The following CCDC171 variants were observed in gnomAD, a reference collection of about 807,000 sequenced individuals.
CCDC171 encodes the protein coiled-coil domain-containing protein 171.
A neutral mutation model predicts 168.2 loss-of-function variants in CCDC171; 177 were observed. The observed-to-expected ratio is 1.05, with a 90% confidence interval of 0.93 to 1.19. The LOEUF (loss-of-function observed/expected upper bound fraction) is 1.19, where lower values mean the gene tolerates loss of function less well. Ranked by LOEUF, CCDC171 falls within the 50% of genes most tolerant of loss-of-function variation. The pLI, the probability that CCDC171 is intolerant of heterozygous loss-of-function variation, is 0.00. For missense variants in CCDC171, 1,991 were observed against 1,539.0 expected (o/e 1.29, Z -4.91); for synonymous variants, 687 against 540.8 (o/e 1.27, Z -3.75).
At chr9:15,632,980 T>A (rs2045864626) in intron 7 of CCDC171, among the ~76,000 whole-genome samples, 1 of 152,226 alleles carries the variant, frequency 6.6e-6, no homozygotes, top group Non-Finnish European at 1.5e-5. Flanking sequence ...TGTAGAAAGC[T>A]GAAACTGGGT....
rs766616365 is a variant in CCDC171 at position 15,777,627 on chromosome 9, T to C, written c.2699T>C (p.Leu900Ser). The change falls in exon 19 of 26, where the codon TTA becomes TCA. Residue 900 changes from leucine to serine, a missense_variant. Coordinates refer to ENST00000380701, the MANE Select transcript of CCDC171 (RefSeq NM_173550.4). ...CCAAATTCCAGAATTTGTGGACATT[T>C]ACTCATAGGTGCAGCCAAGAATTCT... ...ADPNSRICGH[L>S]LIGAAKNSFA... is the part of the protein sequence containing the mutation. The C allele has an allele frequency of 6.2e-7, 1 of 1,609,282 alleles. No individual in the cohort carries two copies. Among genetic ancestry groups the C allele is most frequent in the South Asian group, 1.1e-5 (1 of 89,356 alleles).
intron 10 of CCDC171, 112 bp downstream of exon 10, chr9:15,679,008 A>C: frequency 4.1e-6 from 3 of 740,368 alleles, no homozygotes; most frequent in Non-Finnish European, 6.3e-6. Context: ...AAGTTATTTT[A>C]GTGACATTGA....
chr9:15,575,969 A>G (rs200964602), intron 3 of CCDC171, among the ~76,000 whole-genome samples: 2 of 151,934 alleles, frequency 1.3e-5, no homozygotes, highest in Non-Finnish European at 2.9e-5. Context: ...GTGCGCACCT[A>G]TAATCCCAGC....
At chr9:15,860,016 G>T (rs934994207) in intron 23 of CCDC171, among the ~76,000 whole-genome samples, 1 of 150,990 alleles carries the variant, frequency 6.6e-6, no homozygotes, top group Non-Finnish European at 1.5e-5. Context: ...GTCTTGTTAG[G>T]TTGCATGTTT....
intron 18 of CCDC171, among the ~76,000 whole-genome samples, chr9:15,746,122 T>TA (rs2055257637): frequency 6.6e-6 from 1 of 152,224 alleles, no homozygotes; most frequent in Admixed American, 6.5e-5. Context: ...AACCACCTAT[T>TA]ATCAGCAATT....
intron 24 of CCDC171, among the ~76,000 whole-genome samples, chr9:15,899,099 C>T (rs1458233580): frequency 1.3e-5 from 2 of 152,156 alleles, no homozygotes; most frequent in Admixed American, 1.3e-4. Context: ...CTTTTTCACT[C>T]AGTGTAATGC....
chr9:15,970,944 A>C (rs1258712279), intron 25 of CCDC171, among the ~76,000 whole-genome samples: 1 of 152,164 alleles, frequency 6.6e-6, no homozygotes, highest in African/African-American at 2.4e-5. Context: ...ACCGTACCTC[A>C]GTGACTTAAA....
chr9:15,676,285 G>A (rs1347186588), intron 9 of CCDC171, among the ~76,000 whole-genome samples: 1 of 152,028 alleles, frequency 6.6e-6, no homozygotes, highest in Non-Finnish European at 1.5e-5. Context: ...TGACCTTTTT[G>A]CAAGGTTTTT....
At chr9:15,642,669 T>C (rs2046735975) in intron 7 of CCDC171, among the ~76,000 whole-genome samples, 1 of 152,078 alleles carries the variant, frequency 6.6e-6, no homozygotes, top group Admixed American at 6.6e-5. Context: ...GATTTGAAGA[T>C]TTTTTGCTGT....
the CCDC171 span, among the ~76,000 whole-genome samples, chr9:16,078,094 ACACACT>A: frequency 7.1e-6 from 1 of 140,502 alleles, no homozygotes; most frequent in Non-Finnish European, 1.5e-5. Context: ...ACACACACAC[ACACACT>A]CACAAAGGTG....
chr9:15,679,119 A>G (rs1380194254), intron 10 of CCDC171, among the ~76,000 whole-genome samples: 1 of 152,222 alleles, frequency 6.6e-6, no homozygotes. Context: ...TGAACTAGTA[A>G]AAACTGAATT....
At chr9:16,063,514 T>TG (rs773312632), downstream of CCDC171, among the ~76,000 whole-genome samples, 3 of 152,300 alleles carry the variant, frequency 2.0e-5, no homozygotes, top group East Asian at 5.8e-4. Flanking sequence ...AAAGTGAAGT[T>TG]GGGGGGTTTT....
chr9:15,646,639 CA>C lies in CCDC171; in HGVS notation c.823-10484del, dbSNP rs538247240. On this transcript the variant is annotated intron_variant, in intron 7 of 25. Transcript: ENST00000380701. ...AAGCTGACTTTAAACCAACAAAGAT[CA>C]AAAGAGACAAAGAAGGCTATTACAT... Among the ~76,000 whole-genome samples, 607 of 127,008 alleles carry C rather than the reference CA, an allele frequency of 4.8e-3. 2 individuals are homozygous for C. The highest frequency in any genetic ancestry group is 7.7e-3 in the Non-Finnish European group (424 of 55,302). 83.3% of individuals were successfully genotyped at this position (127,008 alleles called of 152,430 possible). A position where few individuals can be genotyped will look rare whatever the true frequency, so the allele number is the denominator to read the frequency against.
chr9:15,707,542 T>C (rs1243037728), intron 11 of CCDC171, among the ~76,000 whole-genome samples: 1 of 152,254 alleles, frequency 6.6e-6, no homozygotes, highest in Non-Finnish European at 1.5e-5. Flanking sequence ...CTTCTTGTTC[T>C]CTTCTCTTTG....
At chr9:15,882,744 C>G (rs756147170) in intron 24 of CCDC171, among the ~76,000 whole-genome samples, 1 of 151,768 alleles carries the variant, frequency 6.6e-6, no homozygotes, top group Non-Finnish European at 1.5e-5. Flanking sequence ...ATTAGCTTTG[C>G]GTATCAGCTA....
At chr9:15,941,179 C>T (rs1026350744) in intron 25 of CCDC171, among the ~76,000 whole-genome samples, 3 of 151,928 alleles carry the variant, frequency 2.0e-5, no homozygotes, top group African/African-American at 7.2e-5. Flanking sequence ...GCATATGTTT[C>T]AGTTTCTATT....
At chr9:15,580,618 C>T (rs755420160) in intron 4 of CCDC171, among the ~76,000 whole-genome samples, 26 of 152,038 alleles carry the variant, frequency 1.7e-4, no homozygotes, top group Non-Finnish European at 3.7e-4. Flanking sequence ...GGCCAAAAAA[C>T]ATATGAAAAA....
chr9:15,621,608 T>C (rs2044510771), intron 6 of CCDC171, among the ~76,000 whole-genome samples: 1 of 152,208 alleles, frequency 6.6e-6, no homozygotes, highest in African/African-American at 2.4e-5. Context: ...AGAATGGCTA[T>C]TATTAAAAAG....
At chr9:15,623,464 T>TGCGCGCGCGCGC (rs563722301) in intron 7 of CCDC171, 51 bp downstream of exon 7, 33 of 767,368 alleles carry the variant, frequency 4.3e-5, no homozygotes, top group South Asian at 4.3e-4. Flanking sequence ...CTTTCACATA[T>TGCGCGCGCGCGC]GCGCGCGCGC....
Sources: allele counts gnomAD v4.1 joint callset (sites outside exome capture counted in the v4.1 genomes callset), GRCh38; gene constraint gnomAD v4.1.1; transcripts MANE v1.5; gene names NCBI Gene and HGNC (gene_info 2026-07-23, HGNC 2026-07-21).